POU3F3: variants seen among roughly 807,000 people sequenced by gnomAD.
POU3F3 encodes POU class 3 homeobox 3.
In POU3F3, 1 loss-of-function variant was observed where a neutral mutation model predicts 8.6. That is an observed-to-expected ratio of 0.12 (90% CI 0.04 to 0.55). The LOEUF (loss-of-function observed/expected upper bound fraction) is 0.55. Ranked by LOEUF, POU3F3 falls within the 20% of genes least tolerant of loss-of-function variation. The pLI, the probability that POU3F3 is intolerant of heterozygous loss-of-function variation, is 0.91. For missense variants in POU3F3, 577 were observed against 690.7 expected (o/e 0.84, Z 1.84); for synonymous variants, 418 against 327.4 (o/e 1.28, Z -2.99).
chr2:104,864,844 T>G, the POU3F3 span, among the ~76,000 whole-genome samples: 1 of 152,194 alleles, frequency 6.6e-6, no homozygotes, highest in African/African-American at 2.4e-5. Context: ...TTTTTTACTC[T>G]TCAGAAAAGA....
the POU3F3 span, among the ~76,000 whole-genome samples, chr2:104,907,584 T>C: frequency 6.6e-6 from 1 of 152,188 alleles, no homozygotes; most frequent in East Asian, 1.9e-4. Context: ...TCTCCTGTCT[T>C]ATATTTGCAG....
the POU3F3 span, chr2:104,867,085 AC>A: frequency 6.6e-6 from 1 of 152,162 alleles, no homozygotes; most frequent in African/African-American, 2.4e-5. The surrounding 1 kb of genome is among the most constrained non-coding windows in gnomAD (Gnocchi z 5.0). Flanking sequence ...CAGGAGAGCT[AC>A]TCATTCAGCA....
chr2:104,877,626 A>C, the POU3F3 span, among the ~76,000 whole-genome samples: 1 of 150,942 alleles, frequency 6.6e-6, no homozygotes, highest in Non-Finnish European at 1.5e-5. Flanking sequence ...TCTGGGCTCA[A>C]TTGCCATCAC....
At chr2:104,917,570 G>A in the POU3F3 span, among the ~76,000 whole-genome samples, 1 of 152,154 alleles carries the variant, frequency 6.6e-6, no homozygotes, top group African/African-American at 2.4e-5. Context: ...GAAGGGGGCA[G>A]CAGGGAAGAG....
chr2:104,858,213 TA>T lies in POU3F3; in HGVS notation c.*1202del, dbSNP rs1288358397. ...AATGGGTGCTGTGGATGTGATTATA[TA>T]ATACTGCCATTTCCAAGCAGTGTTT... On this transcript the variant is annotated 3_prime_UTR_variant, in exon 1 of 1. Transcript: ENST00000361360. The T allele has an allele frequency of 6.6e-6, 1 of 152,224 alleles. No homozygotes were observed. The highest frequency in any genetic ancestry group is 3.2e-3 in the Middle Eastern group (1 of 316). 9.4% of individuals were successfully genotyped at this position (152,224 alleles called of 1,614,324 possible).
chr2:104,921,820 AC>A, the POU3F3 span, among the ~76,000 whole-genome samples: 1 of 152,094 alleles, frequency 6.6e-6, no homozygotes, highest in Non-Finnish European at 1.5e-5. Flanking sequence ...ATATGGTGAA[AC>A]CCTGTCTCTA....
chr2:104,870,912 T>C, the POU3F3 span, among the ~76,000 whole-genome samples: 1 of 152,210 alleles, frequency 6.6e-6, no homozygotes, highest in East Asian at 1.9e-4. Context: ...CTCAGTAACC[T>C]TTTCTTTTCA....
At chr2:104,871,193 A>G in the POU3F3 span, among the ~76,000 whole-genome samples, 54,543 of 152,092 alleles carry the variant, frequency 0.36, 10,198 homozygotes, top group East Asian at 0.64. Context: ...CAAGTACCAT[A>G]TATTGTGTAA....
At position 104,855,615 on chromosome 2, in the gene POU3F3, CGGCGGCGGCGGCGGCGGG is replaced by C; in HGVS notation, c.113_130del (p.Gly38_Gly43del). On this transcript the variant is annotated inframe_deletion, in exon 1 of 1. Coordinates refer to ENST00000361360, the MANE Select transcript of POU3F3 (RefSeq NM_006236.3). ...CAGGGGCTGGCGGCGGCGGGGGTGGCGGCGGCGGCGGCGGCGGGGGCGGCGCAGGGGGCGGGGGCGGCG... is the reference window on the plus strand; with the variant it reads ...CAGGGGCTGGCGGCGGCGGGGGTGGCGGCGGCGCAGGGGGCGGGGGCGGCG... The C allele has an allele frequency of 1.8e-6, 1 of 553,372 alleles. No homozygotes were observed. The highest frequency in any genetic ancestry group is 8.5e-5 in the South Asian group (1 of 11,770). The allele number at this position is 553,372 out of a possible 1,614,324, so 34.3% of individuals were successfully genotyped here.
the POU3F3 span, among the ~76,000 whole-genome samples, chr2:104,864,152 G>T: frequency 6.6e-6 from 1 of 152,234 alleles, no homozygotes; most frequent in Non-Finnish European, 1.5e-5. Flanking sequence ...CCTGCGGGGA[G>T]ATCCTGAGAC....
At chr2:104,881,114 A>ATTTATTTCTTTCTTTCTTTC in the POU3F3 span, among the ~76,000 whole-genome samples, 2 of 100,940 alleles carry the variant, frequency 2.0e-5, 1 homozygote, top group Non-Finnish European at 4.4e-5. Flanking sequence ...TTCTTTCTTT[A>ATTTATTTCTTTCTTTCTTTC]TTTCTTACTT....
the POU3F3 span, among the ~76,000 whole-genome samples, chr2:104,877,958 T>G: frequency 6.6e-6 from 1 of 152,172 alleles, no homozygotes; most frequent in African/African-American, 2.4e-5. Context: ...GCCCAGCCAC[T>G]GATTCTTTTC....
At chr2:104,926,204 A>G in the POU3F3 span, among the ~76,000 whole-genome samples, 1 of 152,256 alleles carries the variant, frequency 6.6e-6, no homozygotes, top group African/African-American at 2.4e-5. Flanking sequence ...CCATCTATCT[A>G]TCTGACAAAG....
the POU3F3 span, among the ~76,000 whole-genome samples, chr2:104,901,915 T>C: frequency 6.6e-6 from 1 of 152,216 alleles, no homozygotes; most frequent in Non-Finnish European, 1.5e-5. Flanking sequence ...AAAATTTTAA[T>C]ACATTACTCA....
the POU3F3 span, among the ~76,000 whole-genome samples, chr2:104,915,906 G>C: frequency 6.6e-6 from 1 of 151,874 alleles, no homozygotes; most frequent in Non-Finnish European, 1.5e-5. Flanking sequence ...GCCATTCCTA[G>C]GATGTCCTTT....
chr2:104,909,865 G>C, the POU3F3 span, among the ~76,000 whole-genome samples: 1 of 152,184 alleles, frequency 6.6e-6, no homozygotes, highest in Non-Finnish European at 1.5e-5. Context: ...AAATACAAGA[G>C]AGTACTTCTT....
the POU3F3 span, among the ~76,000 whole-genome samples, chr2:104,896,320 C>T: frequency 6.6e-6 from 1 of 152,182 alleles, no homozygotes; most frequent in South Asian, 2.1e-4. Flanking sequence ...CCACCTGCAC[C>T]CCCAGGCCAC....
the POU3F3 span, among the ~76,000 whole-genome samples, chr2:104,915,871 G>A: frequency 1.1e-4 from 16 of 152,164 alleles, no homozygotes; most frequent in African/African-American, 3.9e-4. Flanking sequence ...TATGGGTTCT[G>A]CTTAGGGTCT....
At chr2:104,906,074 G>T in the POU3F3 span, among the ~76,000 whole-genome samples, 1 of 152,206 alleles carries the variant, frequency 6.6e-6, no homozygotes, top group African/African-American at 2.4e-5. Flanking sequence ...TGTAGTTCCA[G>T]TTGGCAATCA....
Sources: allele counts gnomAD v4.1 joint callset (sites outside exome capture counted in the v4.1 genomes callset), GRCh38; gene constraint gnomAD v4.1.1; non-coding constraint Gnocchi (gnomAD v3.1); transcripts MANE v1.5; gene names NCBI Gene and HGNC (gene_info 2026-07-23, HGNC 2026-07-21).